Variants in CFAP299 observed in about 807,000 individuals in gnomAD.
The protein encoded by CFAP299 is cilia- and flagella-associated protein 299.
A neutral mutation model predicts 27.0 loss-of-function variants in CFAP299; 21 were observed. The ratio of observed to expected loss-of-function variants is 0.78; its 90% confidence interval spans 0.55 to 1.12. The LOEUF (loss-of-function observed/expected upper bound fraction) is 1.12, where lower values mean the gene tolerates loss of function less well. Ranked by LOEUF, CFAP299 falls within the 50% of genes most tolerant of loss-of-function variation. The pLI is 0.00. For synonymous variants in CFAP299, 104 were observed against 98.1 expected (o/e 1.06, Z -0.36); for missense variants, 310 against 276.6 (o/e 1.12, Z -0.86).
intron 2 of CFAP299, among the ~76,000 whole-genome samples, chr4:80,408,191 T>C (rs1451007056): frequency 1.3e-5 from 2 of 152,222 alleles, no homozygotes; most frequent in Non-Finnish European, 2.9e-5. Flanking sequence ...GTTATGTGAA[T>C]ATTTAACCTT....
At chr4:80,548,429 T>G (rs1208737449) in intron 2 of CFAP299, among the ~76,000 whole-genome samples, 3 of 152,080 alleles carry the variant, frequency 2.0e-5, no homozygotes, top group Non-Finnish European at 4.4e-5. Context: ...AGTGCACATA[T>G]CAGGTACTAT....
chr4:80,555,196 G>A (rs1197347215), intron 2 of CFAP299, among the ~76,000 whole-genome samples: 2 of 151,906 alleles, frequency 1.3e-5, no homozygotes, highest in African/African-American at 4.8e-5. Context: ...TTGATTGAGA[G>A]TTAATGTGAA....
chr4:80,873,182 A>G (rs1262594391), intron 4 of CFAP299: 1 of 194,388 alleles, frequency 5.1e-6, no homozygotes, highest in African/African-American at 2.4e-5. Context: ...AGGTGTATGA[A>G]GTTCCATACT....
chr4:80,756,461 C>T (rs1725244932), intron 3 of CFAP299, among the ~76,000 whole-genome samples: 1 of 151,888 alleles, frequency 6.6e-6, no homozygotes. Flanking sequence ...AACTATGGAC[C>T]ACAAGCCAAA....
At chr4:80,883,504 A>G (rs1733817937) in intron 4 of CFAP299, among the ~76,000 whole-genome samples, 1 of 152,136 alleles carries the variant, frequency 6.6e-6, no homozygotes. Flanking sequence ...GGATAAGAAA[A>G]CATTATCCAA....
At chr4:80,353,703 A>G (rs1560526316) in intron 1 of CFAP299, among the ~76,000 whole-genome samples, 1 of 151,998 alleles carries the variant, frequency 6.6e-6, no homozygotes, top group Non-Finnish European at 1.5e-5. Context: ...GGGCAGGTTG[A>G]GAGGGCAGTA....
intron 3 of CFAP299, among the ~76,000 whole-genome samples, chr4:80,713,265 C>T (rs1368953186): frequency 6.6e-6 from 1 of 152,096 alleles, no homozygotes; most frequent in Non-Finnish European, 1.5e-5. Flanking sequence ...AAGTTGGACT[C>T]TATTAACCCA....
In CFAP299 at chr4:80,529,440, C is replaced by G. The variant is rs187274546; in HGVS notation, c.243-53653C>G. 3.9e-3 allele frequency among the ~76,000 whole-genome samples: 591 copies of G among 152,230 alleles called. 3 individuals carry two copies. The highest frequency in any genetic ancestry group is 6.6e-3 in the Non-Finnish European group (447 of 67,996). On this transcript the variant is annotated intron_variant, in intron 2 of 5. Transcript: ENST00000358105. The stretch of plus-strand genomic sequence containing the variant: ...AGTATGGATTTCCAAAGAAAGTACT[C>G]AATGCTATTGTACGTATGTATTGGA...
At chr4:80,567,816 A>ACTT (rs1735386577) in intron 2 of CFAP299, among the ~76,000 whole-genome samples, 1 of 151,354 alleles carries the variant, frequency 6.6e-6, no homozygotes, top group Non-Finnish European at 1.5e-5. Flanking sequence ...AAACCAATAC[A>ACTT]TAATTAGAAT....
chr4:80,764,505 A>C (rs969299410), intron 3 of CFAP299, among the ~76,000 whole-genome samples: 1 of 152,240 alleles, frequency 6.6e-6, no homozygotes, highest in Non-Finnish European at 1.5e-5. Flanking sequence ...GGGAGTGTAA[A>C]TTAGTTTAAC....
intron 3 of CFAP299, among the ~76,000 whole-genome samples, chr4:80,826,807 A>G (rs1236497027): frequency 6.6e-6 from 1 of 151,914 alleles, no homozygotes; most frequent in Non-Finnish European, 1.5e-5. Flanking sequence ...ATATTAGTCC[A>G]CAAATTAAAT....
chr4:80,382,248 G>A (rs550949489), intron 2 of CFAP299, among the ~76,000 whole-genome samples: 3 of 152,132 alleles, frequency 2.0e-5, no homozygotes, highest in Non-Finnish European at 4.4e-5. Flanking sequence ...CATAAAATGG[G>A]CAAATATTTC....
intron 3 of CFAP299, among the ~76,000 whole-genome samples, chr4:80,733,285 A>G (rs1300176727): frequency 2.0e-5 from 3 of 152,118 alleles, no homozygotes; most frequent in Admixed American, 2.0e-4. Context: ...AACAGGGAAT[A>G]AAGTAAGAGG....
At chr4:80,706,152 C>T (rs116420438) in intron 3 of CFAP299, among the ~76,000 whole-genome samples, 17 of 151,784 alleles carry the variant, frequency 1.1e-4, no homozygotes, top group Admixed American at 2.0e-4. Context: ...TCCTTTATAA[C>T]GACAATTTGA....
intron 2 of CFAP299, among the ~76,000 whole-genome samples, chr4:80,559,861 ACT>A: frequency 6.6e-6 from 1 of 152,258 alleles, no homozygotes; most frequent in Middle Eastern, 3.4e-3. Flanking sequence ...GGGCTACTGT[ACT>A]CTGTGTCTCC....
chr4:80,581,569 A>G (rs1240713043), intron 2 of CFAP299, among the ~76,000 whole-genome samples: 1 of 150,306 alleles, frequency 6.7e-6, no homozygotes, highest in Non-Finnish European at 1.5e-5. Flanking sequence ...TTCTAGATCA[A>G]TAACATAAAC....
In CFAP299 at chr4:80,448,703, T is replaced by TAACCATTG. The variant is rs1291135265; in HGVS notation, c.242+85821_242+85822insCCATTGAA. On this transcript the variant is annotated intron_variant, in intron 2 of 5. Transcript: ENST00000358105. The stretch of plus-strand genomic sequence containing the variant: ...GTTTAGGTGTTAGTGACATTGAACA[T>TAACCATTG]AATAAAAAAAAAACCACATCTCTGA... Among the ~76,000 whole-genome samples the TAACCATTG allele has an allele frequency of 2.9e-4, 6 of 20,452 alleles. No individual in the cohort carries two copies. In the East Asian group the frequency reaches 0.13, roughly 445 times the overall value. The allele number at this position is 20,452 out of a possible 152,430, so 13.4% of individuals were successfully genotyped here.
In CFAP299 at chr4:80,656,795, C is replaced by T. The variant is rs149703000; in HGVS notation, c.333+73612C>T. Reference sequence around the variant, plus strand: ...TTCTGGCTCTAGATCCTTGAGGAATCACCACACTGTCTTCCATAATGGTTG... The same window carrying T: ...TTCTGGCTCTAGATCCTTGAGGAATTACCACACTGTCTTCCATAATGGTTG... On this transcript the variant is annotated intron_variant, in intron 3 of 5. Coordinates refer to ENST00000358105, the MANE Select transcript of CFAP299 (RefSeq NM_152770.3). Among the ~76,000 whole-genome samples the T allele has an allele frequency of 4.6e-3, 702 of 152,252 alleles. 8 individuals carry two copies. Among genetic ancestry groups the T allele is most frequent in the African/African-American group, 0.016 (668 of 41,568 alleles).
At chr4:80,521,740 T>A (rs1322402150) in intron 2 of CFAP299, among the ~76,000 whole-genome samples, 2 of 152,076 alleles carry the variant, frequency 1.3e-5, no homozygotes, top group Admixed American at 6.6e-5. Context: ...CATATTTTAC[T>A]TAGCAAAATA....
Sources: allele counts gnomAD v4.1 joint callset (sites outside exome capture counted in the v4.1 genomes callset), GRCh38; gene constraint gnomAD v4.1.1; transcripts MANE v1.5; gene names NCBI Gene and HGNC (gene_info 2026-07-23, HGNC 2026-07-21).